The following DIAPH3 variants were observed in gnomAD, a reference collection of about 807,000 sequenced individuals.
DIAPH3 encodes the protein diaphanous related formin 3, also known as protein diaphanous homolog 3.
Under a neutral mutation model 144.3 loss-of-function variants are expected in DIAPH3, and 117 were observed. The ratio of observed to expected loss-of-function variants is 0.81; its 90% CI spans 0.70 to 0.95. The LOEUF is 0.95. DIAPH3 is among the 40% of genes least tolerant of loss of function. DIAPH3 has a pLI of 0.00. For synonymous variants in DIAPH3, 519 were observed against 488.9 expected (o/e 1.06, Z -0.81); for missense variants, 1,421 against 1,412.7 (o/e 1.01, Z -0.09).
rs151109176 is a variant in DIAPH3 at position 59,965,043 on chromosome 13, G to A, written c.2074+4901C>T. Among the ~76,000 whole-genome samples, 895 of 152,224 alleles carry A rather than the reference G, an allele frequency of 5.9e-3. 12 individuals carry two copies. The highest frequency in any genetic ancestry group is 0.02 in the African/African-American group (845 of 41,564). ...TAAAAAATTTTATACACATTTGTTT[G>A]TATAGAGGAATAAATTATGTTTCAA... On this transcript the variant is annotated intron_variant, in intron 17 of 27. Transcript: ENST00000400324.
intron 17 of DIAPH3, among the ~76,000 whole-genome samples, chr13:59,969,635 T>G (rs1198906723): frequency 6.6e-6 from 1 of 152,180 alleles, no homozygotes; most frequent in Non-Finnish European, 1.5e-5. Flanking sequence ...TGAAGGACCT[T>G]CTCATGCCAA....
At chr13:59,947,971 G>A (rs934611366) in intron 17 of DIAPH3, among the ~76,000 whole-genome samples, 1 of 152,042 alleles carries the variant, frequency 6.6e-6, no homozygotes, top group Admixed American at 6.6e-5. Context: ...AAATAAAATG[G>A]AATTAATATG....
At chr13:59,918,870 T>C (rs900725393) in intron 18 of DIAPH3, among the ~76,000 whole-genome samples, 5 of 147,986 alleles carry the variant, frequency 3.4e-5, no homozygotes, top group Admixed American at 2.7e-4. Context: ...ACACTAGAGA[T>C]GGACATGTAT....
chr13:60,080,966 T>C (rs142906132), intron 4 of DIAPH3, among the ~76,000 whole-genome samples: 31 of 152,136 alleles, frequency 2.0e-4, no homozygotes, highest in Non-Finnish European at 3.4e-4. Flanking sequence ...TGCGCTCATA[T>C]TCAAATCTGA....
intron 7 of DIAPH3, among the ~76,000 whole-genome samples, chr13:60,014,969 T>TTG (rs371468184): frequency 6.8e-6 from 1 of 147,000 alleles, no homozygotes; most frequent in Admixed American, 6.8e-5. Flanking sequence ...TTTTCTAGTT[T>TTG]TTTTGTTTTG....
intron 2 of DIAPH3, among the ~76,000 whole-genome samples, chr13:60,123,568 C>A (rs971265129): frequency 5.3e-5 from 8 of 152,150 alleles, no homozygotes; most frequent in African/African-American, 1.9e-4. Context: ...TCCTAATTAA[C>A]TCATTAATGG....
intron 2 of DIAPH3, among the ~76,000 whole-genome samples, chr13:60,124,150 C>G (rs1419162554): frequency 6.6e-6 from 1 of 152,098 alleles, no homozygotes; most frequent in Non-Finnish European, 1.5e-5. Flanking sequence ...AACAGTTATA[C>G]CGAGGAAGAA....
intron 17 of DIAPH3, among the ~76,000 whole-genome samples, chr13:59,956,798 A>G (rs1291699034): frequency 6.6e-6 from 1 of 152,208 alleles, no homozygotes; most frequent in African/African-American, 2.4e-5. Context: ...GTACCCTGCA[A>G]GACCACAGAG....
intron 7 of DIAPH3, among the ~76,000 whole-genome samples, 185 bp downstream of exon 7, chr13:60,015,728 G>A (rs1487588057): frequency 1.3e-5 from 2 of 152,094 alleles, no homozygotes; most frequent in African/African-American, 2.4e-5. Context: ...AGCACCAGAA[G>A]AGGTTTATTC....
At chr13:59,847,083 A>G (rs1307352252) in intron 22 of DIAPH3, among the ~76,000 whole-genome samples, 1 of 152,164 alleles carries the variant, frequency 6.6e-6, no homozygotes, top group Non-Finnish European at 1.5e-5. Context: ...TGTCTCAAAA[A>G]AAAGAAAGAC....
intron 27 of DIAPH3, among the ~76,000 whole-genome samples, chr13:59,698,879 G>C (rs1024114588): frequency 6.6e-6 from 1 of 152,056 alleles, no homozygotes; most frequent in Admixed American, 6.6e-5. Context: ...ATAATGATTC[G>C]GGAAGTTAAA....
At chr13:59,943,201 T>A (rs1346860958) in intron 17 of DIAPH3, among the ~76,000 whole-genome samples, 1 of 152,180 alleles carries the variant, frequency 6.6e-6, no homozygotes, top group East Asian at 1.9e-4. Flanking sequence ...TTTCTTAATG[T>A]CAACGAAGAT....
chr13:60,017,786 T>C (rs985582858), intron 5 of DIAPH3, among the ~76,000 whole-genome samples: 5 of 152,208 alleles, frequency 3.3e-5, no homozygotes, highest in Non-Finnish European at 7.3e-5. Flanking sequence ...AAAGATACTC[T>C]CTTGTAAAAG....
At chr13:59,744,525 T>G (rs1040846813) in intron 27 of DIAPH3, among the ~76,000 whole-genome samples, 1 of 151,942 alleles carries the variant, frequency 6.6e-6, no homozygotes, top group African/African-American at 2.4e-5. Flanking sequence ...GTGTGTAATT[T>G]TTTTTTTAGC....
chr13:59,911,654 T>A lies in DIAPH3; in HGVS notation c.2367+81A>T, dbSNP rs925790267. ...GTATGTGATTACTCACATGCTTTTT[T>A]ACATTTAGCGATATAAAAACAGTTG... On this transcript the variant is annotated intron_variant, in intron 20 of 27. Coordinates refer to ENST00000400324, the MANE Select transcript of DIAPH3 (RefSeq NM_001042517.2). 5.7e-6 allele frequency: 6 copies of A among 1,050,010 alleles called. No homozygotes were observed. The African/African-American group carries it at 9.4e-5, about 16-fold the overall frequency. The allele number at this position is 1,050,010 out of a possible 1,614,324, so 65.0% of individuals were successfully genotyped here.
At chr13:59,946,833 A>T (rs1220199505) in intron 17 of DIAPH3, among the ~76,000 whole-genome samples, 1 of 152,174 alleles carries the variant, frequency 6.6e-6, no homozygotes, top group Admixed American at 6.5e-5. Context: ...AAATGAGAAC[A>T]TTTGAAAATC....
chr13:60,131,561 A>T (rs2059143123), intron 2 of DIAPH3, among the ~76,000 whole-genome samples: 1 of 152,084 alleles, frequency 6.6e-6, no homozygotes, highest in African/African-American at 2.4e-5. Flanking sequence ...ATATGAGTCA[A>T]TTTATATGAA....
chr13:60,120,326 A>G (rs2058814757), intron 2 of DIAPH3, among the ~76,000 whole-genome samples: 2 of 152,200 alleles, frequency 1.3e-5, no homozygotes, highest in South Asian at 2.1e-4. Flanking sequence ...AGCTGAGGCC[A>G]GTTTTAGGCC....
chr13:59,752,685 G>A (rs2037071929), intron 27 of DIAPH3, among the ~76,000 whole-genome samples: 1 of 152,120 alleles, frequency 6.6e-6, no homozygotes, highest in Non-Finnish European at 1.5e-5. Flanking sequence ...TCATTTTAAA[G>A]CTTCAGTCTC....
Sources: allele counts gnomAD v4.1 joint callset (sites outside exome capture counted in the v4.1 genomes callset), GRCh38; gene constraint gnomAD v4.1.1; transcripts MANE v1.5; gene names NCBI Gene and HGNC (gene_info 2026-07-23, HGNC 2026-07-21).